The following DOCK3 variants were observed in gnomAD, a reference collection of about 807,000 sequenced individuals.
DOCK3 encodes dedicator of cytokinesis protein 3.
DOCK3 carries 60 observed loss-of-function variants against 265.6 expected under a neutral mutation model. The observed-to-expected ratio is 0.23, with a 90% CI of 0.18 to 0.28. DOCK3 has a LOEUF of 0.28. DOCK3 is among the 10% of genes least tolerant of loss of function. The pLI, the probability that DOCK3 is intolerant of heterozygous loss-of-function variation, is 1.00. For synonymous variants in DOCK3, 881 were observed against 938.0 expected (o/e 0.94, Z 1.11); for missense variants, 1,981 against 2,594.3 (o/e 0.76, Z 5.14).
chr3:50,782,154 AT>A (rs372293267), intron 2 of DOCK3, among the ~76,000 whole-genome samples: 383 of 152,192 alleles, frequency 2.5e-3, no homozygotes, highest in African/African-American at 8.9e-3. Context: ...ATTGGGATTG[AT>A]GGGTCGAATG....
intron 9 of DOCK3, among the ~76,000 whole-genome samples, chr3:51,096,419 C>T (rs1189654732): frequency 6.6e-6 from 1 of 151,872 alleles, no homozygotes; most frequent in Non-Finnish European, 1.5e-5. Context: ...TCCTTTCTTC[C>T]ACTTGATCAA....
rs765745079 is a variant in DOCK3, at chr3:51,160,556, C to T, written c.891C>T (p.Gly297=). The T allele has an allele frequency of 1.2e-6, 2 of 1,607,660 alleles. No individual in the cohort carries two copies. Among genetic ancestry groups the T allele is most frequent in the Non-Finnish European group, 1.7e-6 (2 of 1,177,640 alleles). ...LYIVAHVIRI[G]RMLLNDSKKG... is the part of the protein sequence containing the mutation. ...CTGGTGTTTTCTGCTGTGCCCAAGG[C>T]CGGATGCTCCTGAACGACTCAAAGA... is the stretch of plus-strand genomic sequence containing the variant. Residue 297 remains glycine, a splice_region_variant and synonymous_variant, in exon 12 of 53, where the codon GGC becomes GGT. Transcript: ENST00000266037.
chr3:50,759,135 A>T (rs2040374154), intron 1 of DOCK3, among the ~76,000 whole-genome samples: 2 of 152,206 alleles, frequency 1.3e-5, no homozygotes, highest in South Asian at 4.1e-4. Flanking sequence ...GAATGGCTGG[A>T]TCATATAATT....
intron 12 of DOCK3, among the ~76,000 whole-genome samples, chr3:51,181,696 G>A (rs918858932): frequency 6.6e-6 from 1 of 152,176 alleles, no homozygotes; most frequent in African/African-American, 2.4e-5. Context: ...ATTCAGGATA[G>A]TGATTACCTC....
intron 1 of DOCK3, among the ~76,000 whole-genome samples, chr3:50,775,738 A>G (rs1472785501): frequency 6.6e-6 from 1 of 151,536 alleles, no homozygotes; most frequent in Non-Finnish European, 1.5e-5. Context: ...TTATTTCTCA[A>G]CCCCTTCCAC....
intron 5 of DOCK3, among the ~76,000 whole-genome samples, chr3:51,061,214 A>G (rs1320693255): frequency 6.6e-6 from 1 of 152,210 alleles, no homozygotes; most frequent in Non-Finnish European, 1.5e-5. Flanking sequence ...ATTACTGTAT[A>G]TATACCCAAA....
chr3:51,017,959 C>T (rs2079422526), intron 5 of DOCK3, among the ~76,000 whole-genome samples: 1 of 151,724 alleles, frequency 6.6e-6, no homozygotes, highest in African/African-American at 2.4e-5. Context: ...GTGGCACGAT[C>T]TCGGCTCACT....
intron 5 of DOCK3, among the ~76,000 whole-genome samples, chr3:50,956,644 A>G (rs1053015699): frequency 1.3e-5 from 2 of 152,104 alleles, no homozygotes; most frequent in Non-Finnish European, 2.9e-5. Flanking sequence ...AAGGAAATGG[A>G]AGATTAGAGA....
intron 27 of DOCK3, among the ~76,000 whole-genome samples, chr3:51,283,032 C>T (rs1169454779): frequency 6.6e-6 from 1 of 152,210 alleles, no homozygotes; most frequent in Non-Finnish European, 1.5e-5. Flanking sequence ...TTTAGCTTAA[C>T]ATGTGAAAAT....
chr3:51,305,979 A>G (rs1204965058), intron 27 of DOCK3, among the ~76,000 whole-genome samples: 1 of 149,266 alleles, frequency 6.7e-6, no homozygotes, highest in African/African-American at 2.5e-5. Context: ...CATTGGGACT[A>G]CATGTGCACA....
intron 4 of DOCK3, among the ~76,000 whole-genome samples, chr3:50,905,335 C>G (rs2049427094): frequency 6.6e-6 from 1 of 151,430 alleles, no homozygotes; most frequent in Non-Finnish European, 1.5e-5. Context: ...AGCATTGAAT[C>G]TATAAATTAC....
intron 27 of DOCK3, among the ~76,000 whole-genome samples, chr3:51,288,897 T>G (rs541582361): frequency 3.2e-4 from 47 of 147,986 alleles, no homozygotes; most frequent in South Asian, 8.4e-4. Context: ...TGTGTGTGTG[T>G]GTGTGGGTGT....
chr3:51,080,561 G>A (rs2082194907), intron 7 of DOCK3, among the ~76,000 whole-genome samples: 1 of 152,172 alleles, frequency 6.6e-6, no homozygotes, highest in Non-Finnish European at 1.5e-5. Flanking sequence ...CAGTTCTGAT[G>A]CCTTTCTCTG....
chr3:50,948,499 A>T (rs1575594620), intron 5 of DOCK3, among the ~76,000 whole-genome samples: 1 of 144,594 alleles, frequency 6.9e-6, no homozygotes, highest in Non-Finnish European at 1.5e-5. Flanking sequence ...CAACTCCTGG[A>T]CTCAAGAGAT....
intron 37 of DOCK3, among the ~76,000 whole-genome samples, chr3:51,340,040 T>G (rs2085137143): frequency 6.6e-6 from 1 of 152,212 alleles, no homozygotes; most frequent in Admixed American, 6.5e-5. Flanking sequence ...ATAAAATGAC[T>G]GGGCTGAGTC....
intron 9 of DOCK3, among the ~76,000 whole-genome samples, chr3:51,113,501 G>A (rs1332153313): frequency 1.3e-5 from 2 of 152,060 alleles, no homozygotes; most frequent in South Asian, 2.1e-4. Flanking sequence ...GAAGCTTCTC[G>A]AACATTAATC....
chr3:51,285,786 T>A (rs965414439), intron 27 of DOCK3, among the ~76,000 whole-genome samples: 1 of 151,754 alleles, frequency 6.6e-6, no homozygotes, highest in African/African-American at 2.4e-5. Flanking sequence ...TAAAAAAAAA[T>A]TAGCTGGGTG....
chr3:51,077,000 A>G (rs975869390), intron 7 of DOCK3, among the ~76,000 whole-genome samples: 1 of 152,156 alleles, frequency 6.6e-6, no homozygotes, highest in African/African-American at 2.4e-5. Context: ...TGAAAGAAGC[A>G]TGAGAGTGAC....
chr3:50,758,613 A>G (rs1015934977), intron 1 of DOCK3, among the ~76,000 whole-genome samples: 37 of 152,082 alleles, frequency 2.4e-4, no homozygotes, highest in African/African-American at 7.0e-4. Context: ...TCCACCATCT[A>G]TATCTAGAAC....
Sources: gnomAD v4.1 joint callset for allele counts (sites outside exome capture counted in the v4.1 genomes callset) on GRCh38, gnomAD v4.1.1 for gene constraint, MANE v1.5 for transcripts, NCBI Gene and HGNC (gene_info 2026-07-23, HGNC 2026-07-21) for gene names.